DMD: variants seen among roughly 807,000 people sequenced by gnomAD.
DMD encodes the protein mutant dystrophin.
In DMD, 63 loss-of-function variants were observed where a neutral mutation model predicts 330.1. That is an observed-to-expected ratio of 0.19 (90% confidence interval 0.16 to 0.24). The LOEUF is 0.24. Among genes scored for constraint, DMD ranks in the 10% least tolerant of loss-of-function variants. The pLI is 1.00. For missense variants in DMD, 3,344 were observed against 2,684.1 expected (o/e 1.25, Z -5.43); for synonymous variants, 1,223 against 959.8 (o/e 1.27, Z -5.07).
chrX:32,159,857 C>T (rs2096842902), intron 44 of DMD, among the ~76,000 whole-genome samples: 1 of 111,886 alleles, frequency 8.9e-6, no homozygotes, highest in Non-Finnish European at 1.9e-5. Flanking sequence ...TGCTATAACC[C>T]TGAGCACTTG....
At chrX:32,463,143 T>G in intron 25 of DMD, among the ~76,000 whole-genome samples, 1 of 111,879 alleles carries the variant, frequency 8.9e-6, no homozygotes, top group East Asian at 2.8e-4. Flanking sequence ...ATTTATGTTC[T>G]GAAGAAAACA....
chrX:32,722,210 T>C (rs755578733), intron 7 of DMD, among the ~76,000 whole-genome samples: 5 of 110,643 alleles, frequency 4.5e-5, no homozygotes, highest in Admixed American at 9.7e-5. Flanking sequence ...AGGGATTACA[T>C]TAAATTTGTA....
intron 7 of DMD, among the ~76,000 whole-genome samples, chrX:32,787,684 A>AC (rs2075503533): frequency 9.1e-6 from 1 of 109,516 alleles, no homozygotes; most frequent in Admixed American, 9.8e-5. Flanking sequence ...GTGGACTCTC[A>AC]CCTCTCCCTG....
intron 43 of DMD, among the ~76,000 whole-genome samples, chrX:32,247,891 G>A (rs1239633130): frequency 4.5e-5 from 5 of 111,837 alleles, no homozygotes. Context: ...AATGAATAAT[G>A]AGTCTATGAA....
At chrX:32,323,202 T>C (rs1164619574) in intron 41 of DMD, among the ~76,000 whole-genome samples, 4 of 112,010 alleles carry the variant, frequency 3.6e-5, no homozygotes, top group East Asian at 2.8e-4. Flanking sequence ...CTAGAGATGA[T>C]ATGAAGTGTT....
At chrX:33,059,923 T>A (rs1284993962) in intron 1 of DMD, among the ~76,000 whole-genome samples, 1 of 112,127 alleles carries the variant, frequency 8.9e-6, no homozygotes, top group African/African-American at 3.2e-5. Flanking sequence ...CTGTTCTACA[T>A]AGATTGAAGA....
At chrX:33,334,799 T>A (rs1474321422) in intron 1 of DMD, among the ~76,000 whole-genome samples, 1 of 111,158 alleles carries the variant, frequency 9.0e-6, no homozygotes, top group Non-Finnish European at 1.9e-5. Context: ...AACATGTTTT[T>A]AAAAGAAATG....
chrX:33,255,239 A>T (rs1369935520), intron 1 of DMD, among the ~76,000 whole-genome samples: 4 of 111,134 alleles, frequency 3.6e-5, no homozygotes, highest in Non-Finnish European at 7.6e-5. Context: ...GTCCAAGGGG[A>T]ATTCCAAATA....
At chrX:32,884,530 G>GGA (rs908717427) in intron 2 of DMD, among the ~76,000 whole-genome samples, 1 of 111,599 alleles carries the variant, frequency 9.0e-6, no homozygotes, top group African/African-American at 3.3e-5. Flanking sequence ...TTAAACCAAT[G>GGA]GAGAGTCTGA....
chrX:31,205,001 T>C (rs1014665157), intron 66 of DMD, among the ~76,000 whole-genome samples: 2 of 111,922 alleles, frequency 1.8e-5, no homozygotes, highest in Admixed American at 1.9e-4. Context: ...GCAGGAGACT[T>C]ATATCCCCTT....
At chrX:32,085,703 C>T (rs2096433700) in intron 44 of DMD, among the ~76,000 whole-genome samples, 3 of 80,704 alleles carry the variant, frequency 3.7e-5, no homozygotes, top group African/African-American at 1.5e-4. Context: ...TATATATACA[C>T]ACGCGTATAT....
chrX:33,255,359 A>G (rs966391375), intron 1 of DMD, among the ~76,000 whole-genome samples: 10 of 111,090 alleles, frequency 9.0e-5, no homozygotes, highest in Admixed American at 4.8e-4. Flanking sequence ...TTTTTATCCC[A>G]GACGGAATAA....
At chrX:31,318,538 A>G (rs1003560785) in intron 62 of DMD, among the ~76,000 whole-genome samples, 2 of 112,134 alleles carry the variant, frequency 1.8e-5, no homozygotes, top group Admixed American at 1.9e-4. Flanking sequence ...TGTGAGCAAA[A>G]CTCAGATGCA....
intron 49 of DMD, among the ~76,000 whole-genome samples, chrX:31,825,921 G>A (rs981596774): frequency 5.4e-5 from 6 of 111,386 alleles, no homozygotes; most frequent in Admixed American, 9.6e-5. Context: ...GAAACTAAAC[G>A]AGATATTTTA....
At chrX:33,143,763 T>G (rs2148596410) in intron 1 of DMD, among the ~76,000 whole-genome samples, 1 of 112,042 alleles carries the variant, frequency 8.9e-6, no homozygotes, top group Admixed American at 9.5e-5. Context: ...TATTAATAGA[T>G]AGTTTATTTT....
chrX:33,070,683 A>C (rs1262505764), intron 1 of DMD, among the ~76,000 whole-genome samples: 11,705 of 50,431 alleles, frequency 0.23, 1,254 homozygotes, highest in Non-Finnish European at 0.26. Flanking sequence ...CTATATATAT[A>C]TATATATATA....
At chrX:33,123,025 G>A (rs992740387) in intron 1 of DMD, among the ~76,000 whole-genome samples, 6 of 112,174 alleles carry the variant, frequency 5.3e-5, no homozygotes, top group African/African-American at 1.9e-4. Context: ...ATTATAACAC[G>A]GGATTTTTAC....
chrX:32,607,863 C>CAG (rs1257504742), intron 12 of DMD, among the ~76,000 whole-genome samples: 15 of 109,483 alleles, frequency 1.4e-4, no homozygotes, highest in South Asian at 3.8e-4. Flanking sequence ...AGTACTGGTT[C>CAG]AGAGAGAGAG....
chrX:32,493,479 A>G (rs1212290634), intron 19 of DMD, among the ~76,000 whole-genome samples: 1 of 112,064 alleles, frequency 8.9e-6, no homozygotes, highest in Non-Finnish European at 1.9e-5. Context: ...TACAGGAGCT[A>G]CATATTCTAA....
Sources: gnomAD v4.1 joint callset for allele counts (sites outside exome capture counted in the v4.1 genomes callset) on GRCh38, gnomAD v4.1.1 for gene constraint, MANE v1.5 for transcripts, NCBI Gene and HGNC (gene_info 2026-07-23, HGNC 2026-07-21) for gene names.